The following CDH4 variants were observed in gnomAD, a reference collection of about 807,000 sequenced individuals.
The protein encoded by CDH4 is cadherin-4.
CDH4 carries 33 observed loss-of-function variants against 86.0 expected under a neutral mutation model. The observed-to-expected ratio is 0.38, with a 90% CI of 0.29 to 0.51. The LOEUF (loss-of-function observed/expected upper bound fraction) is 0.51, where lower values mean the gene tolerates loss of function less well. Ranked by LOEUF, CDH4 falls within the 20% of genes least tolerant of loss-of-function variation. CDH4 has a pLI of 0.86. For missense variants in CDH4, 1,114 were observed against 1,307.4 expected (o/e 0.85, Z 2.28); for synonymous variants, 555 against 549.4 (o/e 1.01, Z -0.14).
At chr20:61,368,193 C>T (rs753835782) in intron 2 of CDH4, among the ~76,000 whole-genome samples, 1 of 151,992 alleles carries the variant, frequency 6.6e-6, no homozygotes, top group Non-Finnish European at 1.5e-5. Flanking sequence ...ATGATTACAA[C>T]GGGAAAAAAT....
intron 2 of CDH4, among the ~76,000 whole-genome samples, chr20:61,473,729 GCACACATA>G (rs1190261585): frequency 3.3e-5 from 5 of 151,972 alleles, no homozygotes; most frequent in African/African-American, 1.2e-4. Flanking sequence ...GGAATGGCAT[GCACACATA>G]CACACACACA....
At chr20:61,690,922 CT>C (rs2087645916) in intron 2 of CDH4, among the ~76,000 whole-genome samples, 1 of 152,210 alleles carries the variant, frequency 6.6e-6, no homozygotes, top group African/African-American at 2.4e-5. Context: ...GAGGGGCACA[CT>C]TGGGGGCCAC....
At chr20:61,551,791 C>T (rs948089712) in intron 2 of CDH4, among the ~76,000 whole-genome samples, 2 of 152,170 alleles carry the variant, frequency 1.3e-5, no homozygotes, top group African/African-American at 4.8e-5. Context: ...ACATATAGAC[C>T]AATAGAAGTG....
chr20:61,887,522 TGCAC>T (rs1256705628), intron 7 of CDH4, among the ~76,000 whole-genome samples: 1 of 152,234 alleles, frequency 6.6e-6, no homozygotes, highest in African/African-American at 2.4e-5. Flanking sequence ...CATACACACA[TGCAC>T]ACACACAATA....
chr20:61,636,269 G>A (rs1392068622), intron 2 of CDH4, among the ~76,000 whole-genome samples: 1 of 152,228 alleles, frequency 6.6e-6, no homozygotes. Flanking sequence ...CACTCCCAGA[G>A]CCTCTCAATG....
rs1009369638 is a variant in CDH4 at position 61,544,217 on chromosome 20, G to A, written c.170-199346G>A. 1.5e-4 allele frequency among the ~76,000 whole-genome samples: 23 copies of A among 152,140 alleles called. No homozygotes were observed. The highest frequency in any genetic ancestry group is 4.8e-4 in the African/African-American group (20 of 41,428). ...CTGCCCCGTCTCCCCAGGGGACCTC[G>A]GCAATGCCAGAGACCACAGTTGTGT... On this transcript the variant is annotated intron_variant, in intron 2 of 15. Coordinates refer to ENST00000614565, the MANE Select transcript of CDH4 (RefSeq NM_001794.5). The surrounding 1 kb of genome is among the most constrained non-coding windows in gnomAD (Gnocchi z 6.5).
intron 2 of CDH4, among the ~76,000 whole-genome samples, chr20:61,653,711 C>G (rs1339095470): frequency 7.1e-4 from 66 of 92,348 alleles, no homozygotes; most frequent in South Asian, 1.7e-3. Context: ...CAGACGGGGT[C>G]GCAGCCGGGC....
At chr20:61,536,978 G>A (rs545152657) in intron 2 of CDH4, among the ~76,000 whole-genome samples, 8 of 152,262 alleles carry the variant, frequency 5.3e-5, no homozygotes, top group African/African-American at 1.4e-4. Flanking sequence ...GGCTCAAGAC[G>A]GATGGGTGTG....
chr20:61,893,591 C>G (rs1632734), intron 7 of CDH4, among the ~76,000 whole-genome samples: 122,253 of 144,130 alleles, frequency 0.85, 52,359 homozygotes, highest in Non-Finnish European at 0.92. Context: ...GTGGGTGGAT[C>G]GATGGGTGTG....
chr20:61,898,605 C>T (rs1228278020), intron 8 of CDH4, among the ~76,000 whole-genome samples: 1 of 152,204 alleles, frequency 6.6e-6, no homozygotes, highest in Non-Finnish European at 1.5e-5. Context: ...CCCATCCACA[C>T]ACATGCTCAC....
rs118177917 is a variant in CDH4, at chr20:61,511,653, C to T, written c.170-231910C>T. On this transcript the variant is annotated intron_variant, in intron 2 of 15. Transcript: ENST00000614565. ...TGTATGCATTAAGCGACTTTGTGGC[C>T]GTTTTCTAGATGGAGAAAGAAAGAC... 7.0e-3 allele frequency among the ~76,000 whole-genome samples: 1,071 copies of T among 152,274 alleles called. 6 individuals are homozygous for T. The highest frequency in any genetic ancestry group is 8.8e-3 in the Non-Finnish European group (600 of 68,026).
At chr20:61,287,134 A>G (rs2084297285) in intron 2 of CDH4, among the ~76,000 whole-genome samples, 1 of 152,174 alleles carries the variant, frequency 6.6e-6, no homozygotes, top group Non-Finnish European at 1.5e-5. Flanking sequence ...TCTGAAAACC[A>G]GGATGAGACT....
At chr20:61,503,824 A>G (rs1373016248) in intron 2 of CDH4, among the ~76,000 whole-genome samples, 1 of 152,240 alleles carries the variant, frequency 6.6e-6, no homozygotes, top group Non-Finnish European at 1.5e-5. Context: ...GCCTGTGGGT[A>G]CAGTGGACAC....
At chr20:61,904,184 G>C (rs930183394) in intron 8 of CDH4, among the ~76,000 whole-genome samples, 1 of 152,216 alleles carries the variant, frequency 6.6e-6, no homozygotes, top group Non-Finnish European at 1.5e-5. Flanking sequence ...CCTCCACCAG[G>C]GATTGGATGT....
intron 2 of CDH4, among the ~76,000 whole-genome samples, chr20:61,729,404 C>G (rs923053607): frequency 2.0e-5 from 3 of 152,186 alleles, no homozygotes; most frequent in South Asian, 4.2e-4. Flanking sequence ...TCCCTGCGGC[C>G]CCCTCTTCTG....
intron 2 of CDH4, among the ~76,000 whole-genome samples, chr20:61,735,394 C>T (rs2088249792): frequency 6.6e-6 from 1 of 152,214 alleles, no homozygotes; most frequent in Non-Finnish European, 1.5e-5. Context: ...ACCTGGTCCC[C>T]ATTAGTGCTC....
At chr20:61,730,289 C>G (rs1178952807) in intron 2 of CDH4, among the ~76,000 whole-genome samples, 1 of 152,152 alleles carries the variant, frequency 6.6e-6, no homozygotes, top group African/African-American at 2.4e-5. Context: ...CACAGTGCTG[C>G]TTCCCTGCCT....
chr20:61,531,298 C>T, intron 2 of CDH4, among the ~76,000 whole-genome samples: 1 of 151,772 alleles, frequency 6.6e-6, no homozygotes, highest in Non-Finnish European at 1.5e-5. Context: ...GTGGTGAAAC[C>T]CCGTCTCTAC....
chr20:61,850,194 C>G (rs59219490), intron 5 of CDH4, among the ~76,000 whole-genome samples: 3,301 of 152,306 alleles, frequency 0.022, 133 homozygotes, highest in African/African-American at 0.075. Flanking sequence ...TGTCATCTTC[C>G]GAAAGTTTTC....
Sources: allele counts gnomAD v4.1 joint callset (sites outside exome capture counted in the v4.1 genomes callset), GRCh38; gene constraint gnomAD v4.1.1; non-coding constraint Gnocchi (gnomAD v3.1); transcripts MANE v1.5; gene names NCBI Gene and HGNC (gene_info 2026-07-23, HGNC 2026-07-21).